The following ZRANB3 variants were observed in gnomAD, a reference collection of about 807,000 sequenced individuals.
ZRANB3 encodes DNA annealing helicase and endonuclease ZRANB3.
A neutral mutation model predicts 133.8 loss-of-function variants in ZRANB3; 125 were observed. The observed-to-expected ratio is 0.93, with a 90% CI of 0.81 to 1.08. The LOEUF (loss-of-function observed/expected upper bound fraction) is 1.08, where lower values mean the gene tolerates loss of function less well. Ranked by LOEUF, ZRANB3 falls within the 50% of genes least tolerant of loss-of-function variation. The probability of loss-of-function intolerance (pLI) is 0.00; values close to 1 mark genes in which losing one functional copy is unlikely to be tolerated. For missense variants in ZRANB3, 1,229 were observed against 1,275.5 expected, an observed-to-expected ratio of 0.96 and a Z score of 0.56; for synonymous variants, 387 against 432.7, an observed-to-expected ratio of 0.89 and a Z score of 1.31.
At chr2:135,504,202 A>C (rs1574218042) in intron 2 of ZRANB3, 127 bp downstream of exon 2, 2 of 1,081,230 alleles carry the variant, frequency 1.8e-6, no homozygotes, top group South Asian at 1.3e-5. Flanking sequence ...GATAAAGCTA[A>C]CTTGGTCACA....
chr2:135,523,366 A>C (rs971223563), intron 1 of ZRANB3, among the ~76,000 whole-genome samples: 2 of 152,186 alleles, frequency 1.3e-5, no homozygotes, highest in Non-Finnish European at 2.9e-5. Context: ...AATTTCCCTT[A>C]ATACCACTTG....
At chr2:135,385,034 G>A (rs569279264) in intron 3 of ZRANB3, among the ~76,000 whole-genome samples, 1 of 152,242 alleles carries the variant, frequency 6.6e-6, no homozygotes, top group East Asian at 1.9e-4. Flanking sequence ...TATTGAAATA[G>A]GAAAAGAGGA....
At chr2:135,291,432 C>A (rs1467946023) in intron 8 of ZRANB3, among the ~76,000 whole-genome samples, 1 of 152,084 alleles carries the variant, frequency 6.6e-6, no homozygotes, top group East Asian at 1.9e-4. Context: ...ATCCAGCCCC[C>A]TCGGCCTCCC....
chr2:135,431,591 C>G (rs1689326181), intron 2 of ZRANB3, among the ~76,000 whole-genome samples: 1 of 151,842 alleles, frequency 6.6e-6, no homozygotes, highest in Admixed American at 6.6e-5. Flanking sequence ...ATATAAACAC[C>G]TTTTATAATT....
chr2:135,322,621 G>A (rs1411965606), intron 6 of ZRANB3, among the ~76,000 whole-genome samples: 1 of 152,102 alleles, frequency 6.6e-6, no homozygotes, highest in Non-Finnish European at 1.5e-5. Flanking sequence ...GGGAGGCTGA[G>A]AGAGGAGGAT....
intron 2 of ZRANB3, among the ~76,000 whole-genome samples, chr2:135,440,352 T>A: frequency 6.6e-6 from 1 of 151,936 alleles, no homozygotes; most frequent in East Asian, 1.9e-4. Context: ...TGAGCTGAGA[T>A]TGCGCCATTG....
At chr2:135,359,644 A>G (rs1685584969) in intron 3 of ZRANB3, among the ~76,000 whole-genome samples, 1 of 151,976 alleles carries the variant, frequency 6.6e-6, no homozygotes, top group South Asian at 2.1e-4. Flanking sequence ...AGAAGAAAAG[A>G]AGAAAAGAAA....
chr2:135,384,301 T>C (rs552600783), intron 3 of ZRANB3, among the ~76,000 whole-genome samples: 5 of 152,186 alleles, frequency 3.3e-5, no homozygotes, highest in East Asian at 1.9e-4. Context: ...CAGGAAGAAG[T>C]TGAATCTCTG....
chr2:135,336,495 CTT>C (rs1326994201), intron 6 of ZRANB3, among the ~76,000 whole-genome samples: 1 of 152,068 alleles, frequency 6.6e-6, no homozygotes, highest in African/African-American at 2.4e-5. Context: ...CAGGAAGTGA[CTT>C]GAGCTGAGTT....
Position 135,217,627 on chromosome 2 carries a change from T to C in ZRANB3, c.2353-20A>G, listed in dbSNP as rs1250743260. The stretch of plus-strand genomic sequence containing the variant: ...CAAAATCTGGCAGAAAATGAGATAA[T>C]AAGAGTTAACAGCTCACAGGCAGAT... On this transcript the variant is annotated intron_variant, in intron 16 of 20. Transcript: ENST00000264159. 1.9e-6 allele frequency: 3 copies of C among 1,607,968 alleles called. No homozygotes were observed. Among genetic ancestry groups the C allele is most frequent in the Middle Eastern group, 1.7e-4 (1 of 6,028 alleles).
intron 1 of ZRANB3, among the ~76,000 whole-genome samples, chr2:135,512,833 A>G (rs1693525703): frequency 6.6e-6 from 1 of 152,144 alleles, no homozygotes; most frequent in Admixed American, 6.5e-5. Flanking sequence ...AAATAAAAGG[A>G]AAATTTGACA....
At chr2:135,280,050 C>T (rs1681024133) in intron 8 of ZRANB3, among the ~76,000 whole-genome samples, 1 of 152,166 alleles carries the variant, frequency 6.6e-6, no homozygotes, top group Non-Finnish European at 1.5e-5. Flanking sequence ...ATTATCTGAA[C>T]AGGAATTTGC....
In ZRANB3 at chr2:135,482,100, C is replaced by T. The variant is rs1397803249; in HGVS notation, c.161+22229G>A. Among the ~76,000 whole-genome samples, 4 of 136,834 alleles carry T rather than the reference C, an allele frequency of 2.9e-5. No individual in the cohort carries two copies. The East Asian group carries it at 6.1e-4, about 21-fold the overall frequency. The allele number at this position is 136,834 out of a possible 152,430, so 89.8% of individuals were successfully genotyped here. ...CTTAGGATTGACTTGGCGATGCGGG[C>T]TCTTTTTTGGTTCCATATGAACTTT... On this transcript the variant is annotated intron_variant, in intron 2 of 20. Coordinates refer to ENST00000264159, the MANE Select transcript of ZRANB3 (RefSeq NM_032143.4).
intron 3 of ZRANB3, among the ~76,000 whole-genome samples, chr2:135,365,306 C>T (rs1685877662): frequency 6.6e-6 from 1 of 152,004 alleles, no homozygotes; most frequent in Admixed American, 6.6e-5. Flanking sequence ...TTTCACTTCA[C>T]AATCTACTTG....
At chr2:135,378,415 C>A (rs1372473848) in intron 3 of ZRANB3, among the ~76,000 whole-genome samples, 2 of 151,922 alleles carry the variant, frequency 1.3e-5, no homozygotes. Context: ...ATTGCTTGAA[C>A]CCGGGAGACA....
At chr2:135,236,664 A>G in intron 12 of ZRANB3, among the ~76,000 whole-genome samples, 1 of 152,166 alleles carries the variant, frequency 6.6e-6, no homozygotes, top group Non-Finnish European at 1.5e-5. Context: ...TCTTTGACAA[A>G]CCTGAGAAAA....
At chr2:135,356,460 G>T (rs1435726698) in intron 3 of ZRANB3, among the ~76,000 whole-genome samples, 1 of 151,998 alleles carries the variant, frequency 6.6e-6, no homozygotes, top group East Asian at 1.9e-4. Context: ...GAAGTTTTAG[G>T]TTGACGACAG....
At chr2:135,473,012 T>A (rs184509315) in intron 2 of ZRANB3, among the ~76,000 whole-genome samples, 27 of 152,300 alleles carry the variant, frequency 1.8e-4, no homozygotes, top group African/African-American at 6.5e-4. Flanking sequence ...ATATTACTAG[T>A]ACAGCTGTAC....
At chr2:135,444,742 C>T (rs1559003615) in intron 2 of ZRANB3, among the ~76,000 whole-genome samples, 1 of 152,148 alleles carries the variant, frequency 6.6e-6, no homozygotes, top group Non-Finnish European at 1.5e-5. Context: ...GATGCTAAAA[C>T]TGATCAAACT....
Sources: allele counts gnomAD v4.1 joint callset (sites outside exome capture counted in the v4.1 genomes callset), GRCh38; gene constraint gnomAD v4.1.1; transcripts MANE v1.5; gene names NCBI Gene and HGNC (gene_info 2026-07-23, HGNC 2026-07-21).